The following FRMD4B variants were observed in gnomAD, a reference collection of about 807,000 sequenced individuals.
The protein encoded by FRMD4B is FERM domain containing 4B.
In FRMD4B, 74 loss-of-function variants were observed where a neutral mutation model predicts 141.5. The observed-to-expected ratio is 0.52, with a 90% confidence interval of 0.43 to 0.63. The LOEUF is 0.63. FRMD4B is among the 30% of genes least tolerant of loss of function. FRMD4B has a pLI of 0.00. For missense variants in FRMD4B, 1,366 were observed against 1,253.4 expected (o/e 1.09, Z -1.36); for synonymous variants, 506 against 467.9 (o/e 1.08, Z -1.05).
intron 2 of FRMD4B, among the ~76,000 whole-genome samples, chr3:69,411,418 T>C (rs1704760021): frequency 6.6e-6 from 1 of 152,160 alleles, no homozygotes; most frequent in Non-Finnish European, 1.5e-5. Context: ...TGATTATAAA[T>C]GTATCTAGGC....
intron 2 of FRMD4B, among the ~76,000 whole-genome samples, chr3:69,405,462 C>T (rs1332118268): frequency 6.6e-6 from 1 of 151,166 alleles, no homozygotes; most frequent in Non-Finnish European, 1.5e-5. Flanking sequence ...AGGAGCCATC[C>T]TGTGGTCTGG....
At chr3:69,286,581 G>A (rs116810265) in intron 5 of FRMD4B, among the ~76,000 whole-genome samples, 55 of 151,708 alleles carry the variant, frequency 3.6e-4, no homozygotes, top group Non-Finnish European at 7.2e-4. Flanking sequence ...CTAAAAGAAG[G>A]CCTGGAAACA....
chr3:69,358,014 C>A (rs978442579), intron 1 of FRMD4B, among the ~76,000 whole-genome samples: 2 of 152,166 alleles, frequency 1.3e-5, no homozygotes, highest in African/African-American at 4.8e-5. Context: ...AAATTTGCAG[C>A]CTGGACCTGG....
rs113379314 is a variant in FRMD4B, at chr3:69,461,371, A to C, written c.-128-28610T>G. ...GCTGGGAGTTCGAGACCATCCTGGG[A>C]AACATAGTGAGACCCCCCCCATCTC... On this transcript the variant is annotated intron_variant, in intron 1 of 5. Coordinates refer to the FRMD4B transcript ENST00000459638. Among the ~76,000 whole-genome samples, 695 of 139,140 alleles carry C rather than the reference A, an allele frequency of 5.0e-3. 7 individuals carry two copies. The highest frequency in any genetic ancestry group is 0.019 in the African/African-American group (660 of 35,320). The allele number at this position is 139,140 out of a possible 152,430, so 91.3% of individuals were successfully genotyped here.
At chr3:69,336,794 A>T (rs1048222069) in intron 1 of FRMD4B, among the ~76,000 whole-genome samples, 1 of 152,132 alleles carries the variant, frequency 6.6e-6, no homozygotes, top group African/African-American at 2.4e-5. Context: ...AATATAAAAA[A>T]TTAGCTGGGC....
intron 19 of FRMD4B, among the ~76,000 whole-genome samples, chr3:69,187,475 G>A (rs761867831): frequency 1.3e-5 from 2 of 150,166 alleles, no homozygotes; most frequent in African/African-American, 4.9e-5. Flanking sequence ...GGAGGCGGAC[G>A]TTGCGGTGAG....
Position 69,476,278 on chromosome 3 carries a change from C to G in FRMD4B, c.-128-43517G>C, listed in dbSNP as rs1373721238. Among the ~76,000 whole-genome samples, 10 of 151,926 alleles carry G rather than the reference C, an allele frequency of 6.6e-5. No individual in the cohort carries two copies. The South Asian group carries it at 1.5e-3, about 22-fold the overall frequency. ...GTGTTTTAGACATGAAGTCCTTGCC[C>G]ATGCCTATGTCCTTAATGGTAATGC... On this transcript the variant is annotated intron_variant, in intron 1 of 5. Coordinates refer to the FRMD4B transcript ENST00000459638.
At chr3:69,303,499 GA>G in intron 3 of FRMD4B, among the ~76,000 whole-genome samples, 1 of 152,040 alleles carries the variant, frequency 6.6e-6, no homozygotes, top group Non-Finnish European at 1.5e-5. Context: ...ATATCTGAGA[GA>G]AAAAACAAAA....
chr3:69,405,716 G>T (rs1307041115), intron 2 of FRMD4B, among the ~76,000 whole-genome samples: 1 of 152,120 alleles, frequency 6.6e-6, no homozygotes, highest in Non-Finnish European at 1.5e-5. Context: ...ACAACATCTG[G>T]CTCACTCCGA....
At chr3:69,225,338 T>A (rs181774841) in intron 7 of FRMD4B, among the ~76,000 whole-genome samples, 1 of 151,762 alleles carries the variant, frequency 6.6e-6, no homozygotes. Flanking sequence ...AATGGCAAAA[T>A]TCTAGTTGTC....
chr3:69,524,112 G>T (rs932135876), intron 1 of FRMD4B, among the ~76,000 whole-genome samples: 8 of 152,124 alleles, frequency 5.3e-5, no homozygotes, highest in African/African-American at 1.9e-4. Flanking sequence ...CCAATTCTAG[G>T]CCTCAGAGAT....
chr3:69,383,081 C>CAT (rs3032134), intron 1 of FRMD4B, among the ~76,000 whole-genome samples: 101,265 of 151,824 alleles, frequency 0.67, 33,911 homozygotes, highest in East Asian at 0.7. Context: ...AAATATCTCA[C>CAT]GTCAATTAAT....
At chr3:69,183,342 C>T (rs889953694) in intron 19 of FRMD4B, among the ~76,000 whole-genome samples, 10 of 152,046 alleles carry the variant, frequency 6.6e-5, no homozygotes, top group East Asian at 1.9e-4. Flanking sequence ...TCTTAGCTCA[C>T]GGTCTGCGCA....
intron 2 of FRMD4B, among the ~76,000 whole-genome samples, chr3:69,411,980 A>T (rs1704768700): frequency 6.6e-6 from 1 of 152,244 alleles, no homozygotes; most frequent in Non-Finnish European, 1.5e-5. Context: ...CTAGCTAGAA[A>T]TTGCATTTCT....
chr3:69,368,912 C>T (rs137906968), intron 1 of FRMD4B, among the ~76,000 whole-genome samples: 248 of 152,318 alleles, frequency 1.6e-3, no homozygotes, highest in Non-Finnish European at 2.5e-3. Flanking sequence ...TCTCTCACCT[C>T]GGCCTCCCAA....
chr3:69,328,670 A>G (rs1283642863), intron 1 of FRMD4B, among the ~76,000 whole-genome samples: 1 of 152,146 alleles, frequency 6.6e-6, no homozygotes, highest in African/African-American at 2.4e-5. Flanking sequence ...ATGAAAAAAG[A>G]CCTCTGGTAG....
At chr3:69,439,604 C>T (rs1173558632) in intron 1 of FRMD4B, among the ~76,000 whole-genome samples, 2 of 152,168 alleles carry the variant, frequency 1.3e-5, no homozygotes, top group Non-Finnish European at 2.9e-5. Context: ...AGAAATGCTG[C>T]TGATTTCTGT....
chr3:69,412,002 A>C (rs925504653), intron 2 of FRMD4B, among the ~76,000 whole-genome samples: 1 of 152,270 alleles, frequency 6.6e-6, no homozygotes, highest in East Asian at 1.9e-4. Flanking sequence ...TCTAGATGAC[A>C]GTAAAAACAG....
At chr3:69,333,552 A>G (rs1193383763) in intron 1 of FRMD4B, among the ~76,000 whole-genome samples, 2 of 152,196 alleles carry the variant, frequency 1.3e-5, no homozygotes, top group African/African-American at 4.8e-5. Context: ...CTTAGTTGCT[A>G]CAGAAATTCA....
Sources: allele counts gnomAD v4.1 joint callset (sites outside exome capture counted in the v4.1 genomes callset), GRCh38; gene constraint gnomAD v4.1.1; transcripts MANE v1.5; gene names NCBI Gene and HGNC (gene_info 2026-07-23, HGNC 2026-07-21).